TJP2: variants seen among roughly 807,000 people sequenced by gnomAD.
The protein encoded by TJP2 is tight junction protein 2.
In TJP2, 91 loss-of-function variants were observed where a neutral mutation model predicts 133.1. The ratio of observed to expected loss-of-function variants is 0.68; its 90% CI spans 0.58 to 0.81. The LOEUF (loss-of-function observed/expected upper bound fraction) is 0.81. Among genes scored for constraint, TJP2 ranks in the 40% least tolerant of loss-of-function variants. The probability of loss-of-function intolerance (pLI) is 0.00; values close to 1 mark genes in which losing one functional copy is unlikely to be tolerated. For synonymous variants in TJP2, 592 were observed against 583.4 expected, an observed-to-expected ratio of 1.01 and a Z score of -0.21; for missense variants, 1,541 against 1,565.6, an observed-to-expected ratio of 0.98 and a Z score of 0.26.
At position 69,159,908 on chromosome 9, in the gene TJP2, T is replaced by C. The variant is rs1587933896; in HGVS notation, c.-10+8137T>C. 0.015 allele frequency among the ~76,000 whole-genome samples: 77 copies of C among 5,244 alleles called. 1 individual carries two copies. In the South Asian group the frequency reaches 0.21, roughly 14 times the overall value. 3.4% of individuals were successfully genotyped at this position (5,244 alleles called of 152,430 possible). Reference sequence around the variant, plus strand: ...AGAAATATATACATATATATATATATGTGTGTGTGTGTGTTTCTTTTTTTT... The same window carrying C: ...AGAAATATATACATATATATATATACGTGTGTGTGTGTGTTTCTTTTTTTT... On this transcript the variant is annotated intron_variant, in intron 2 of 5. Transcript: ENST00000423935.
exon 1 of TJP2, chr9:69,121,504 A>G: frequency 6.7e-6 from 2 of 297,482 alleles, no homozygotes; most frequent in Non-Finnish European, 9.9e-6. Flanking sequence ...GAATCACAAT[A>G]ATATACGGGA....
At chr9:69,237,225 CTTATGTATGTCAGTTATGCCAAAGGCAG>C in intron 14 of TJP2, 89 bp downstream of exon 14, 10 of 1,473,966 alleles carry the variant, frequency 6.8e-6, no homozygotes, top group Non-Finnish European at 9.5e-6. Flanking sequence ...CAAGTTCTAA[CTTATGTATGTCAGTTATGCCAAAGGCAG>C]TTTATAGAGT....
At chr9:69,174,457 G>A (rs1357748097) in intron 1 of TJP2, 25 bp downstream of exon 1, 3 of 1,543,600 alleles carry the variant, frequency 1.9e-6, no homozygotes, top group Middle Eastern at 1.8e-4. Flanking sequence ...GTGCCGCGCG[G>A]TTGGGAGGAG....
intron 2 of TJP2, among the ~76,000 whole-genome samples, chr9:69,152,039 A>G (rs1823500444): frequency 6.8e-6 from 1 of 147,856 alleles, no homozygotes; most frequent in Non-Finnish European, 1.5e-5. Flanking sequence ...GCATGTAAGT[A>G]AGTACAACTT....
At chr9:69,172,462 C>A (rs1228466426), upstream of TJP2, among the ~76,000 whole-genome samples, 1 of 152,184 alleles carries the variant, frequency 6.6e-6, no homozygotes, top group East Asian at 1.9e-4. Context: ...GACTGAAGAA[C>A]TGAATTTGTC....
At chr9:69,200,699 G>A (rs1040120456) in intron 1 of TJP2, among the ~76,000 whole-genome samples, 3 of 152,058 alleles carry the variant, frequency 2.0e-5, no homozygotes, top group East Asian at 1.9e-4. Context: ...GGCTGGCCTC[G>A]CTTCACATTT....
chr9:69,217,766 T>C (rs1287487324), intron 3 of TJP2, among the ~76,000 whole-genome samples: 1 of 152,200 alleles, frequency 6.6e-6, no homozygotes, highest in Non-Finnish European at 1.5e-5. Flanking sequence ...AATGCAAAAT[T>C]TTAAAGTAAT....
intron 17 of TJP2, among the ~76,000 whole-genome samples, chr9:69,244,180 T>G (rs1386595518): frequency 8.7e-6 from 1 of 115,418 alleles, no homozygotes; most frequent in Non-Finnish European, 1.7e-5. Context: ...AGACCCTGTC[T>G]CAGGAAAAAA....
intron 1 of TJP2, among the ~76,000 whole-genome samples, chr9:69,148,417 G>A (rs1006432598): frequency 6.8e-6 from 1 of 146,494 alleles, no homozygotes; most frequent in African/African-American, 2.5e-5. Flanking sequence ...TGTCGCCCAG[G>A]AGGCTGGAGT....
At position 69,249,420 on chromosome 9, in the gene TJP2, GC is replaced by G. The variant is rs1377651650; in HGVS notation, c.2927del (p.Ala976ValfsTer75). ...SPEPRAQMRR[A>X]ASSDQLRDNS... ...AGAGCCACGAGCTCAGATGAGGAGG[GC>G]TGCTAGCAGCGATCAACTTAGGGAC... On this transcript the variant is annotated frameshift_variant, in exon 20 of 23. Coordinates refer to ENST00000377245, the MANE Select transcript of TJP2 (RefSeq NM_004817.4). LOFTEE classifies it high-confidence loss of function. 1 of 1,611,888 alleles carries G rather than the reference GC, an allele frequency of 6.2e-7. No individual in the cohort carries two copies. Among genetic ancestry groups the G allele is most frequent in the East Asian group, 2.2e-5 (1 of 44,824 alleles).
intron 1 of TJP2, among the ~76,000 whole-genome samples, chr9:69,147,532 A>G (rs146695249): frequency 4.3e-4 from 66 of 152,306 alleles, no homozygotes; most frequent in African/African-American, 1.4e-3. Flanking sequence ...TGGCTCTCAG[A>G]CAGAAACGGG....
At position 69,189,967 on chromosome 9, in the gene TJP2, G is replaced by A. The variant is rs897816316; in HGVS notation, c.60+15535G>A. ...CTAAAAATACAAAAAGAAATTAGCC[G>A]GGTATGGTGGTGGACGCCTGTAGTC... is the stretch of plus-strand genomic sequence containing the variant. On this transcript the variant is annotated intron_variant, in intron 1 of 22. Coordinates refer to ENST00000377245, the MANE Select transcript of TJP2 (RefSeq NM_004817.4). Among the ~76,000 whole-genome samples the A allele has an allele frequency of 5.9e-4, 66 of 111,740 alleles. 18 individuals carry two copies. The highest frequency in any genetic ancestry group is 2.0e-3 in the African/African-American group (59 of 29,968). The allele number at this position is 111,740 out of a possible 152,430, so 73.3% of individuals were successfully genotyped here.
chr9:69,240,970 A>G (rs2133417120), intron 17 of TJP2, among the ~76,000 whole-genome samples: 1 of 152,316 alleles, frequency 6.6e-6, no homozygotes, highest in East Asian at 1.9e-4. Context: ...ACCTAATATA[A>G]TGTTGAGAAT....
At chr9:69,196,722 A>T (rs1423524181) in intron 1 of TJP2, among the ~76,000 whole-genome samples, 1 of 152,100 alleles carries the variant, frequency 6.6e-6, no homozygotes, top group Non-Finnish European at 1.5e-5. Context: ...AATTCATTTT[A>T]GAACATTTTC....
At chr9:69,140,117 A>G (rs897861983) in intron 1 of TJP2, among the ~76,000 whole-genome samples, 2 of 152,218 alleles carry the variant, frequency 1.3e-5, no homozygotes, top group Non-Finnish European at 2.9e-5. Flanking sequence ...GATGAAGCCC[A>G]AAGTATGTGA....
intron 1 of TJP2, among the ~76,000 whole-genome samples, chr9:69,132,057 C>T (rs1564368322): frequency 6.6e-6 from 1 of 152,246 alleles, no homozygotes; most frequent in Non-Finnish European, 1.5e-5. Flanking sequence ...TAGAGTTACA[C>T]ATGATGTGCT....
chr9:69,205,320 T>A (rs779610564), intron 1 of TJP2: 6 of 1,528,500 alleles, frequency 3.9e-6, no homozygotes, highest in Non-Finnish European at 5.3e-6. Context: ...TCACAGTGAG[T>A]CCTTTATCCT....
At chr9:69,216,599 C>A in intron 3 of TJP2, 136 bp downstream of exon 3, 1 of 1,010,834 alleles carries the variant, frequency 9.9e-7, no homozygotes, top group Non-Finnish European at 1.4e-6. Context: ...GAAAAGTCTT[C>A]AAGCTGGAAT....
At chr9:69,156,523 ATTTTTTTT>A (rs71354318) in intron 2 of TJP2, among the ~76,000 whole-genome samples, 1 of 81,146 alleles carries the variant, frequency 1.2e-5, no homozygotes, top group Admixed American at 1.5e-4. Context: ...TACATGTAAG[ATTTTTTTT>A]TTTTTTTTTT....
Sources: gnomAD v4.1 joint callset for allele counts (sites outside exome capture counted in the v4.1 genomes callset) on GRCh38, gnomAD v4.1.1 for gene constraint, MANE v1.5 for transcripts, NCBI Gene and HGNC (gene_info 2026-07-23, HGNC 2026-07-21) for gene names.